The following CNTLN variants were observed in gnomAD, a reference collection of about 807,000 sequenced individuals.
CNTLN encodes centlein, centrosomal protein.
CNTLN carries 212 observed loss-of-function variants against 180.0 expected under a neutral mutation model. The ratio of observed to expected loss-of-function variants is 1.18; its 90% CI spans 1.05 to 1.32. CNTLN has a LOEUF of 1.32. CNTLN is among the 40% of genes most tolerant of loss of function. The pLI is 0.00. For missense variants in CNTLN, 2,095 were observed against 1,610.9 expected (o/e 1.30, Z -5.14); for synonymous variants, 722 against 563.1 (o/e 1.28, Z -3.99).
intron 5 of CNTLN, among the ~76,000 whole-genome samples, chr9:17,261,657 T>G (rs564933586): frequency 6.6e-6 from 1 of 151,442 alleles, no homozygotes; most frequent in African/African-American, 2.4e-5. Flanking sequence ...GTATGTCATT[T>G]ATTTTTTTCT....
chr9:17,179,261 A>AAAAAAAAAAAAG (rs762439606), intron 2 of CNTLN, among the ~76,000 whole-genome samples: 1 of 138,640 alleles, frequency 7.2e-6, no homozygotes, highest in African/African-American at 3.0e-5. Context: ...AAAAAAAAAA[A>AAAAAAAAAAAAG]AAGAAGAAGT....
At chr9:17,288,487 G>T (rs1829142195) in intron 6 of CNTLN, among the ~76,000 whole-genome samples, 1 of 143,004 alleles carries the variant, frequency 7.0e-6, no homozygotes, top group South Asian at 2.5e-4. Flanking sequence ...ATATTCTGTT[G>T]ATTTGGGGTG....
chr9:17,350,540 G>T (rs1057456885), intron 12 of CNTLN, among the ~76,000 whole-genome samples: 4 of 152,128 alleles, frequency 2.6e-5, no homozygotes, highest in African/African-American at 9.7e-5. Context: ...CTGCTTGTGA[G>T]TGGAAAAAGA....
At chr9:17,426,957 A>G (rs1400952593) in intron 18 of CNTLN, among the ~76,000 whole-genome samples, 1 of 152,216 alleles carries the variant, frequency 6.6e-6, no homozygotes, top group Non-Finnish European at 1.5e-5. Context: ...AGTCACAGAT[A>G]TAAACATTCC....
chr9:17,202,339 G>A (rs1250771475), intron 2 of CNTLN, among the ~76,000 whole-genome samples: 2 of 152,166 alleles, frequency 1.3e-5, no homozygotes, highest in African/African-American at 2.4e-5. Context: ...TTCTGTAGAT[G>A]TCTGTTAGTT....
At chr9:17,215,870 C>T (rs1019458316) in intron 2 of CNTLN, among the ~76,000 whole-genome samples, 3 of 152,252 alleles carry the variant, frequency 2.0e-5, no homozygotes, top group Admixed American at 2.0e-4. Flanking sequence ...GGTATAATCT[C>T]CTGGTGTGCC....
At chr9:17,214,006 C>G (rs1823535436) in intron 2 of CNTLN, among the ~76,000 whole-genome samples, 1 of 152,108 alleles carries the variant, frequency 6.6e-6, no homozygotes, top group South Asian at 2.1e-4. Flanking sequence ...GACTCTTTAT[C>G]CAATTTGCCA....
intron 23 of CNTLN, among the ~76,000 whole-genome samples, chr9:17,483,733 A>C (rs1018685547): frequency 1.3e-5 from 2 of 152,178 alleles, no homozygotes; most frequent in African/African-American, 4.8e-5. Flanking sequence ...ATTTTTCTTC[A>C]ATCCTTCATT....
intron 15 of CNTLN, among the ~76,000 whole-genome samples, chr9:17,402,680 C>T (rs1207949041): frequency 2.6e-5 from 4 of 151,792 alleles, no homozygotes; most frequent in Non-Finnish European, 5.9e-5. Context: ...AGGGAATTCT[C>T]CAGAAAATTG....
At position 17,266,773 on chromosome 9, in the gene CNTLN, A is replaced by T. The variant is rs143842848; in HGVS notation, c.850-6960A>T. Reference sequence around the variant, plus strand: ...ATAGTGAGCTCTTGTTGTTGAATTGATCCCTTTACCATTATGTAATGGCCT... The same window carrying T: ...ATAGTGAGCTCTTGTTGTTGAATTGTTCCCTTTACCATTATGTAATGGCCT... On this transcript the variant is annotated intron_variant, in intron 5 of 25. Coordinates refer to ENST00000380647, the MANE Select transcript of CNTLN (RefSeq NM_017738.4). Among the ~76,000 whole-genome samples the T allele has an allele frequency of 9.1e-3, 1,381 of 152,142 alleles. 5 individuals are homozygous for T. Among genetic ancestry groups the T allele is most frequent in the Non-Finnish European group, 0.014 (966 of 68,002 alleles).
chr9:17,230,748 C>T (rs774538235), intron 3 of CNTLN, among the ~76,000 whole-genome samples: 22 of 152,036 alleles, frequency 1.4e-4, no homozygotes, highest in Non-Finnish European at 3.2e-4. Context: ...GTGTGATCTT[C>T]CCTGTGACAA....
intron 2 of CNTLN, among the ~76,000 whole-genome samples, chr9:17,172,952 GC>G (rs1820505811): frequency 6.6e-6 from 1 of 152,104 alleles, no homozygotes; most frequent in Non-Finnish European, 1.5e-5. Context: ...TGAGGGAAAA[GC>G]TTTTTGAATT....
intron 8 of CNTLN, among the ~76,000 whole-genome samples, chr9:17,326,658 G>A (rs1235688297): frequency 6.6e-6 from 1 of 152,130 alleles, no homozygotes; most frequent in African/African-American, 2.4e-5. Context: ...ACTTCAGCCA[G>A]GTGATCAAAC....
chr9:17,290,963 C>G (rs969005685), intron 6 of CNTLN, among the ~76,000 whole-genome samples: 1 of 152,090 alleles, frequency 6.6e-6, no homozygotes, highest in African/African-American at 2.4e-5. Context: ...AGAAATCACC[C>G]GTCTTCTGTG....
At chr9:17,421,811 A>G (rs1317330902) in intron 18 of CNTLN, among the ~76,000 whole-genome samples, 2 of 152,178 alleles carry the variant, frequency 1.3e-5, no homozygotes, top group Non-Finnish European at 2.9e-5. Flanking sequence ...GATAACAACT[A>G]AACTCTGATT....
At chr9:17,385,636 T>C (rs187550165) in intron 13 of CNTLN, among the ~76,000 whole-genome samples, 223 of 152,296 alleles carry the variant, frequency 1.5e-3, no homozygotes, top group African/African-American at 5.0e-3. Context: ...CATCCCTGGA[T>C]TCAACCAACT....
chr9:17,459,618 C>A (rs1363610602), intron 19 of CNTLN, among the ~76,000 whole-genome samples: 1 of 151,668 alleles, frequency 6.6e-6, no homozygotes, highest in Non-Finnish European at 1.5e-5. Context: ...TCTTAAATAG[C>A]AAACGTATAT....
intron 5 of CNTLN, among the ~76,000 whole-genome samples, chr9:17,237,275 A>T (rs200498355): frequency 7.9e-5 from 6 of 76,262 alleles, no homozygotes; most frequent in East Asian, 2.4e-3. Flanking sequence ...ATTTTTTTTT[A>T]AACTATAGAT....
At chr9:17,300,397 C>T (rs1035826305) in intron 7 of CNTLN, 4 of 152,048 alleles carry the variant, frequency 2.6e-5, no homozygotes, top group African/African-American at 9.7e-5. Flanking sequence ...ATCTAATTGC[C>T]TACTTAATAT....
Sources: allele counts gnomAD v4.1 joint callset (sites outside exome capture counted in the v4.1 genomes callset), GRCh38; gene constraint gnomAD v4.1.1; transcripts MANE v1.5; gene names NCBI Gene and HGNC (gene_info 2026-07-23, HGNC 2026-07-21).